INSYN2A: variants seen among roughly 807,000 people sequenced by gnomAD.
The protein encoded by INSYN2A is family with sequence similarity 196 member A.
A neutral mutation model predicts 39.4 loss-of-function variants in INSYN2A; 17 were observed. That is an observed-to-expected ratio of 0.43 (90% confidence interval 0.30 to 0.65). The LOEUF (loss-of-function observed/expected upper bound fraction) is 0.65, where lower values mean the gene tolerates loss of function less well. Ranked by LOEUF, INSYN2A falls within the 30% of genes least tolerant of loss-of-function variation. The pLI is 0.14. For synonymous variants in INSYN2A, 255 were observed against 265.7 expected, an observed-to-expected ratio of 0.96 and a Z score of 0.39; for missense variants, 595 against 631.2, an observed-to-expected ratio of 0.94 and a Z score of 0.61.
intron 4 of INSYN2A, among the ~76,000 whole-genome samples, chr10:127,173,653 A>G (rs937847052): frequency 5.3e-5 from 8 of 152,122 alleles, no homozygotes; most frequent in Admixed American, 3.3e-4. Flanking sequence ...ACTACCAACT[A>G]TATCAACATC....
intron 4 of INSYN2A, among the ~76,000 whole-genome samples, chr10:127,163,642 G>A (rs564110074): frequency 2.0e-4 from 31 of 152,168 alleles, no homozygotes; most frequent in South Asian, 1.5e-3. Flanking sequence ...TTTGTGATGC[G>A]TCTGTCTAAA....
intron 4 of INSYN2A, among the ~76,000 whole-genome samples, chr10:127,155,354 G>C (rs1266558068): frequency 6.6e-6 from 1 of 152,206 alleles, no homozygotes; most frequent in Non-Finnish European, 1.5e-5. Context: ...GTTATGTGCA[G>C]TTTGTTGATC....
chr10:127,185,087 A>G (rs1557260), intron 2 of INSYN2A, among the ~76,000 whole-genome samples: 50,366 of 152,022 alleles, frequency 0.33, 8,744 homozygotes, highest in African/African-American at 0.41. Context: ...TACCTGGGAG[A>G]TGTGCAAGAG....
At chr10:127,195,856 G>T (rs1350928579) in intron 1 of INSYN2A, 141 bp downstream of exon 1, 1 of 152,388 alleles carries the variant, frequency 6.6e-6, no homozygotes, top group Admixed American at 6.5e-5. Context: ...CCCGGGAGCC[G>T]CCGAGTTTCC....
At chr10:127,195,528 C>G (rs964480262) in intron 1 of INSYN2A, among the ~76,000 whole-genome samples, 38 of 152,124 alleles carry the variant, frequency 2.5e-4, no homozygotes, top group Non-Finnish European at 4.3e-4. Flanking sequence ...ACTCATCCCC[C>G]CCCCGAAGTT....
intron 2 of INSYN2A, among the ~76,000 whole-genome samples, chr10:127,183,232 A>G (rs905720178): frequency 2.0e-5 from 3 of 152,044 alleles, no homozygotes; most frequent in African/African-American, 7.2e-5. Flanking sequence ...AGGATACCCT[A>G]TTGGGACAAT....
chr10:127,190,675 C>T (rs1440426712), intron 2 of INSYN2A, among the ~76,000 whole-genome samples: 2 of 24,072 alleles, frequency 8.3e-5, no homozygotes, highest in Non-Finnish European at 1.4e-4. Flanking sequence ...TCCCCCCCCC[C>T]CCCCCCCCGT....
chr10:127,147,276 C>A (rs546488913), intron 5 of INSYN2A, among the ~76,000 whole-genome samples: 1 of 152,138 alleles, frequency 6.6e-6, no homozygotes, highest in African/African-American at 2.4e-5. Context: ...GGTTTCCCAT[C>A]CATCCTTGGG....
At chr10:127,177,551 G>A (rs894002935) in intron 2 of INSYN2A, among the ~76,000 whole-genome samples, 2 of 152,230 alleles carry the variant, frequency 1.3e-5, no homozygotes, top group South Asian at 2.1e-4. Flanking sequence ...GAGGGTGTAC[G>A]GGGCCCGAGT....
At position 127,136,662 on chromosome 10, in the gene INSYN2A, G is replaced by C. The variant is rs2050728151; in HGVS notation, c.*1175C>G. On this transcript the variant is annotated 3_prime_UTR_variant, in exon 6 of 6. Transcript: ENST00000522781. ...TACATTGCAATGTGTAATCAAGAGA[G>C]AACTCTAAGTGTTACTGTTGATTTA... The C allele has an allele frequency of 6.6e-6, 1 of 152,614 alleles. No individual in the cohort carries two copies. The highest frequency in any genetic ancestry group is 1.9e-4 in the East Asian group (1 of 5,194). 9.5% of individuals were successfully genotyped at this position (152,614 alleles called of 1,614,324 possible).
intron 4 of INSYN2A, among the ~76,000 whole-genome samples, chr10:127,164,212 CCTG>C (rs1476112206): frequency 4.5e-5 from 5 of 110,692 alleles, no homozygotes; most frequent in Non-Finnish European, 8.5e-5. Context: ...GAGACAGAGT[CCTG>C]CTCTGTCACC....
chr10:127,195,567 G>A (rs74792054), intron 1 of INSYN2A, among the ~76,000 whole-genome samples: 1 of 151,054 alleles, frequency 6.6e-6, no homozygotes, highest in African/African-American at 2.4e-5. Context: ...TTTCCAGGGC[G>A]CTTTAGTTTG....
rs150536495 is a variant in INSYN2A, at chr10:127,176,305, C to T, written c.91G>A (p.Ala31Thr). The change falls in exon 4 of 6, where the codon GCC becomes ACC. Residue 31 changes from alanine (A) to threonine (T), a missense_variant. Physicochemically the swap from Ala to Thr is moderately conservative, Grantham distance 58 (BLOSUM62 0). Coordinates refer to ENST00000522781, the MANE Select transcript of INSYN2A (RefSeq NM_001039762.3). This position sits in a 1 kb window ranked among gnomAD's most constrained non-coding sequence, Gnocchi z 4.4. ...AACLALEMKYALDPNRQIKKR... is the reference protein window; with the variant it reads ...AACLALEMKYTLDPNRQIKKR... Reference sequence around the variant, plus strand: ...TTAATCTGCCGGTTGGGGTCCAGGGCGTATTTCATCTCCAGGGCCAGGCAG... The same window carrying T: ...TTAATCTGCCGGTTGGGGTCCAGGGTGTATTTCATCTCCAGGGCCAGGCAG... 7.4e-6 allele frequency: 12 copies of T among 1,613,926 alleles called. No homozygotes were observed. Among genetic ancestry groups the T allele is most frequent in the East Asian group, 4.5e-5 (2 of 44,872 alleles).
intron 4 of INSYN2A, among the ~76,000 whole-genome samples, chr10:127,164,364 G>A (rs1324608714): frequency 6.6e-6 from 1 of 151,290 alleles, no homozygotes; most frequent in Admixed American, 6.6e-5. Context: ...TTGTATTTTT[G>A]TAGACACGGG....
intron 5 of INSYN2A, among the ~76,000 whole-genome samples, chr10:127,142,191 T>G (rs571058618): frequency 6.6e-6 from 1 of 152,230 alleles, no homozygotes; most frequent in Non-Finnish European, 1.5e-5. Context: ...CCAGACGTGC[T>G]GTGTGCACCT....
At chr10:127,169,273 A>G (rs949777948) in intron 4 of INSYN2A, among the ~76,000 whole-genome samples, 1 of 152,198 alleles carries the variant, frequency 6.6e-6, no homozygotes, top group African/African-American at 2.4e-5. Context: ...GAACAGCCTG[A>G]ATGCCGATGA....
chr10:127,195,477 C>T (rs1021307733), intron 1 of INSYN2A, among the ~76,000 whole-genome samples: 1 of 152,166 alleles, frequency 6.6e-6, no homozygotes, highest in African/African-American at 2.4e-5. Flanking sequence ...CTGCTGCTCG[C>T]GCCTCTCCTC....
chr10:127,170,522 C>T (rs976715623), intron 4 of INSYN2A, among the ~76,000 whole-genome samples: 2 of 152,166 alleles, frequency 1.3e-5, no homozygotes, highest in Non-Finnish European at 2.9e-5. Context: ...TGTCACCAGC[C>T]AATGGACACT....
At chr10:127,147,957 G>C (rs2052064915) in intron 5 of INSYN2A, among the ~76,000 whole-genome samples, 1 of 143,566 alleles carries the variant, frequency 7.0e-6, no homozygotes, top group African/African-American at 2.6e-5. Flanking sequence ...CTTCAACCCA[G>C]GAGGAGGAGG....
Sources: allele counts gnomAD v4.1 joint callset (sites outside exome capture counted in the v4.1 genomes callset), GRCh38; gene constraint gnomAD v4.1.1; non-coding constraint Gnocchi (gnomAD v3.1); transcripts MANE v1.5; gene names NCBI Gene and HGNC (gene_info 2026-07-23, HGNC 2026-07-21).